PARP14: variants seen among roughly 807,000 people sequenced by gnomAD.
PARP14 encodes the protein poly(ADP-ribose) polymerase family member 14, also known as protein mono-ADP-ribosyltransferase PARP14.
Under a neutral mutation model 154.2 loss-of-function variants are expected in PARP14, and 59 were observed. The observed-to-expected ratio is 0.38, with a 90% CI of 0.31 to 0.48. The LOEUF (loss-of-function observed/expected upper bound fraction) is 0.48, where lower values mean the gene tolerates loss of function less well. Ranked by LOEUF, PARP14 falls within the 20% of genes least tolerant of loss-of-function variation. The pLI, the probability that PARP14 is intolerant of heterozygous loss-of-function variation, is 0.98. For synonymous variants in PARP14, 720 were observed against 780.5 expected (o/e 0.92, Z 1.29); for missense variants, 1,734 against 2,131.6 (o/e 0.81, Z 3.67).
rs756594418 is a variant in PARP14, at chr3:122,701,461, C to T, written c.2907C>T (p.Ala969=). ...ATGTATCTGAGAAGACTGTTGAGGC[C>T]TTTGCAGAAGCTGTGAAAACTGTAT... is the stretch of plus-strand genomic sequence containing the variant. The part of the protein sequence containing the change: ...LVDVSEKTVE[A]FAEAVKTVFK... The change falls in exon 6 of 17, where the codon GCC becomes GCT. Residue 969 remains alanine, a synonymous_variant. Transcript: ENST00000474629. The surrounding 1 kb of genome is among the most constrained non-coding windows in gnomAD (Gnocchi z 4.0). 1.2e-6 allele frequency: 2 copies of T among 1,613,952 alleles called. No homozygotes were observed. Among genetic ancestry groups the T allele is most frequent in the South Asian group, 1.1e-5 (1 of 91,068 alleles).
At chr3:122,687,026 A>T in intron 2 of PARP14, 54 bp from the exon 3 acceptor site, 1 of 1,257,612 alleles carries the variant, frequency 8.0e-7, no homozygotes, top group Non-Finnish European at 1.1e-6. Context: ...ACATTTTCTT[A>T]TGTAAATAAA....
chr3:122,714,150 A>T (rs1417478352), intron 11 of PARP14, 112 bp from the exon 12 acceptor site: 2 of 839,718 alleles, frequency 2.4e-6, no homozygotes, highest in Non-Finnish European at 3.7e-6. Flanking sequence ...GTATTTCAGG[A>T]GTTTTTTTTT....
Position 122,730,120 on chromosome 3 carries a change from C to T in PARP14, c.*1523C>T, listed in dbSNP as rs1347555333. ...TCTCTGCATTTGAAACTTGAGGAAA[C>T]ATGCTCAGAGTGCAAGAAGCTTCCT... On this transcript the variant is annotated 3_prime_UTR_variant, in exon 17 of 17. Transcript: ENST00000474629. 1 of 152,204 alleles carries T rather than the reference C, an allele frequency of 6.6e-6. No homozygotes were observed. The highest frequency in any genetic ancestry group is 1.9e-4 in the East Asian group (1 of 5,196). 9.4% of individuals were successfully genotyped at this position (152,204 alleles called of 1,614,324 possible).
chr3:122,686,398 A>T (rs561946958), intron 2 of PARP14, among the ~76,000 whole-genome samples: 1 of 151,898 alleles, frequency 6.6e-6, no homozygotes, highest in East Asian at 1.9e-4. Context: ...CATGTGATCC[A>T]CTTGCCTTGG....
chr3:122,728,220 T>C, intron 16 of PARP14, 88 bp from the exon 17 acceptor site: 1 of 1,253,064 alleles, frequency 8.0e-7, no homozygotes. Context: ...AAGAGAGGCT[T>C]TAGAAAGAAC....
chr3:122,682,216 C>A (rs1253381019), intron 1 of PARP14, among the ~76,000 whole-genome samples: 2 of 152,208 alleles, frequency 1.3e-5, no homozygotes, highest in Admixed American at 6.5e-5. Context: ...TTAGTCATTT[C>A]TCTTTTGGGT....
At chr3:122,704,033 T>A in intron 7 of PARP14, 55 bp downstream of exon 7, 1 of 1,137,988 alleles carries the variant, frequency 8.8e-7, no homozygotes, top group Non-Finnish European at 1.3e-6. Context: ...GGGTTCTCCT[T>A]TTAGTAGCAT....
At position 122,685,235 on chromosome 3, in the gene PARP14, A is replaced by G. The variant is rs1178954936; in HGVS notation, c.238A>G (p.Lys80Glu). 6.2e-7 allele frequency: 1 copy of G among 1,613,802 alleles called. No homozygotes were observed. Among genetic ancestry groups the G allele is most frequent in the Non-Finnish European group, 8.5e-7 (1 of 1,179,806 alleles). ...AAATCATGAGTTGGTATGGCAAGGA[A>G]AAGGAACATTCAAGTTAACTGTCCA... ...RKNHELVWQG[K>E]GTFKLTVQLP... The change falls in exon 2 of 17, where the codon AAA becomes GAA. Residue 80 changes from lysine to glutamate, a missense_variant. Lys to Glu is a moderately conservative substitution (Grantham distance 56). This residue lies in a region of PARP14 where 1,646 missense variants were observed against 1,976.0 expected (regional missense o/e 0.83). Coordinates refer to ENST00000474629, the MANE Select transcript of PARP14 (RefSeq NM_017554.3).
intron 1 of PARP14, among the ~76,000 whole-genome samples, chr3:122,684,453 T>C (rs575992158): frequency 5.9e-5 from 9 of 152,324 alleles, no homozygotes; most frequent in Non-Finnish European, 1.0e-4. Flanking sequence ...GGACACCACT[T>C]TAAGTGAGGA....
Position 122,700,402 on chromosome 3 carries a change from G to A in PARP14, c.1848G>A (p.Gly616=). 2 of 1,613,770 alleles carry A rather than the reference G, an allele frequency of 1.2e-6. No homozygotes were observed. The highest frequency in any genetic ancestry group is 1.7e-6 in the Non-Finnish European group (2 of 1,179,776). The change falls in exon 6 of 17, where the codon GGG becomes GGA. Residue 616 remains glycine, a synonymous_variant. Transcript: ENST00000474629. ...TTCTTCATGGCAAGAAATGGAAAGG[G>A]CTCACTCACAATTTGCTTAAGAAAC... is the stretch of plus-strand genomic sequence containing the variant. ...KEVLHGKKWK[G]LTHNLLKKQN... is the part of the protein sequence containing the mutation.
chr3:122,723,058 C>A (rs1933198925), intron 15 of PARP14, among the ~76,000 whole-genome samples: 1 of 152,058 alleles, frequency 6.6e-6, no homozygotes, highest in South Asian at 2.1e-4. Context: ...GCCTCAGCGT[C>A]CCAAGTAGCT....
Position 122,728,825 on chromosome 3 carries a change from A to G in PARP14, c.*228A>G. On this transcript the variant is annotated 3_prime_UTR_variant, in exon 17 of 17. Transcript: ENST00000474629. Reference sequence around the variant, plus strand: ...ATTTAAATGAGATAATGCAGTTGCAACTGTGTGTCCACAAGTATGGACATC... The same window carrying G: ...ATTTAAATGAGATAATGCAGTTGCAGCTGTGTGTCCACAAGTATGGACATC... 4.2e-6 allele frequency: 2 copies of G among 481,102 alleles called. No individual in the cohort carries two copies. The highest frequency in any genetic ancestry group is 7.0e-5 in the Admixed American group (2 of 28,400). The allele number at this position is 481,102 out of a possible 1,614,324, so 29.8% of individuals were successfully genotyped here. A position where few individuals can be genotyped will look rare whatever the true frequency, so the allele number is the denominator to read the frequency against.
At chr3:122,725,413 G>A (rs969594280) in intron 15 of PARP14, among the ~76,000 whole-genome samples, 2 of 151,848 alleles carry the variant, frequency 1.3e-5, no homozygotes, top group Admixed American at 1.3e-4. Flanking sequence ...CTCCCAGACA[G>A]GGCGGCCGGG....
Position 122,722,093 on chromosome 3 carries a change from G to A in PARP14, c.4941+1705G>A, listed in dbSNP as rs1933178385. 2.0e-5 allele frequency: 3 copies of A among 152,270 alleles called. No individual in the cohort carries two copies. The South Asian group carries it at 6.2e-4, about 32-fold the overall frequency. 9.4% of individuals were successfully genotyped at this position (152,270 alleles called of 1,614,324 possible). On this transcript the variant is annotated intron_variant, in intron 15 of 16. Transcript: ENST00000474629. ...ATCAAAAAGCAAACCATTTGATAAGGAGGCTCACAGCTCCTCACAATACTG... is the reference window on the plus strand; with the variant it reads ...ATCAAAAAGCAAACCATTTGATAAGAAGGCTCACAGCTCCTCACAATACTG...
chr3:122,727,933 C>G lies in PARP14; in HGVS notation c.5063C>G (p.Ser1688Cys). 1 of 1,613,852 alleles carries G rather than the reference C, an allele frequency of 6.2e-7. No homozygotes were observed. The highest frequency in any genetic ancestry group is 8.5e-7 in the Non-Finnish European group (1 of 1,179,790). The change falls in exon 16 of 17, where the codon TCC (serine) becomes TGC (cysteine). Residue 1688 changes from serine to cysteine, a missense_variant. By Grantham distance (112) the Ser-to-Cys change is moderately radical. Transcript: ENST00000474629. ...KQLFHGTDAG[S>C]VPHVNRNGFN... is the part of the protein sequence containing the mutation. ...CTCTTCCATGGGACAGATGCCGGCT[C>G]CGTGCCACACGTCAATCGAAATGGC... is the stretch of plus-strand genomic sequence containing the variant.
At chr3:122,708,389 T>C in intron 9 of PARP14, 121 bp downstream of exon 9, 2 of 632,364 alleles carry the variant, frequency 3.2e-6, no homozygotes, top group South Asian at 3.9e-5. Context: ...CAAATGATAC[T>C]AAGTTATGTT....
chr3:122,684,149 C>A (rs1938297981), intron 1 of PARP14, among the ~76,000 whole-genome samples: 1 of 152,224 alleles, frequency 6.6e-6, no homozygotes, highest in Admixed American at 6.5e-5. Context: ...ATGAAAGATT[C>A]TGATCTATAT....
At chr3:122,694,273 C>A (rs1042545204) in intron 4 of PARP14, among the ~76,000 whole-genome samples, 5 of 152,156 alleles carry the variant, frequency 3.3e-5, no homozygotes, top group African/African-American at 1.2e-4. Context: ...ATTCCATCTG[C>A]TTGACATAGA....
chr3:122,686,429 A>G (rs1938375117), intron 2 of PARP14, among the ~76,000 whole-genome samples: 1 of 151,802 alleles, frequency 6.6e-6, no homozygotes, highest in Non-Finnish European at 1.5e-5. Context: ...TGCTGGGATT[A>G]CAGGTGTGAG....
Sources: allele counts gnomAD v4.1 joint callset (sites outside exome capture counted in the v4.1 genomes callset), GRCh38; gene constraint gnomAD v4.1.1; regional missense constraint gnomAD v4.1.1; non-coding constraint Gnocchi (gnomAD v3.1); transcripts MANE v1.5; gene names NCBI Gene and HGNC (gene_info 2026-07-23, HGNC 2026-07-21).